The following IL1RAPL2 variants were observed in gnomAD, a reference collection of about 807,000 sequenced individuals.
The protein encoded by IL1RAPL2 is interleukin 1 receptor accessory protein like 2, also known as X-linked interleukin-1 receptor accessory protein-like 2.
Under a neutral mutation model 44.1 loss-of-function variants are expected in IL1RAPL2, and 3 were observed. The observed-to-expected ratio is 0.07, with a 90% CI of 0.03 to 0.18. The LOEUF is 0.18. IL1RAPL2 is among the 10% of genes least tolerant of loss of function. IL1RAPL2 has a pLI of 1.00. For synonymous variants in IL1RAPL2, 181 were observed against 178.8 expected (o/e 1.01, Z -0.10); for missense variants, 391 against 496.4 (o/e 0.79, Z 2.02).
At chrX:104,601,321 C>T (rs1433523506) in intron 1 of IL1RAPL2, among the ~76,000 whole-genome samples, 1 of 109,786 alleles carries the variant, frequency 9.1e-6, no homozygotes, top group East Asian at 2.9e-4. Flanking sequence ...GTTCCCCTTC[C>T]TGTGTCCATG....
At chrX:104,900,341 T>C (rs998309939) in intron 2 of IL1RAPL2, among the ~76,000 whole-genome samples, 2 of 111,615 alleles carry the variant, frequency 1.8e-5, no homozygotes, top group Non-Finnish European at 3.8e-5. Context: ...GATACATTAA[T>C]GCATGTTTAA....
chrX:105,761,261 A>ACG (rs1321249775), intron 10 of IL1RAPL2, among the ~76,000 whole-genome samples: 1 of 105,912 alleles, frequency 9.4e-6, no homozygotes, highest in African/African-American at 3.5e-5. Flanking sequence ...ACACACACAC[A>ACG]CGGCTAACTT....
intron 2 of IL1RAPL2, among the ~76,000 whole-genome samples, chrX:104,701,521 G>A (rs1931272674): frequency 1.8e-5 from 2 of 111,809 alleles, no homozygotes; most frequent in South Asian, 7.4e-4. Flanking sequence ...TTTCAGGAAT[G>A]CTCTAAGAGC....
chrX:105,435,603 T>G (rs1180786228), intron 5 of IL1RAPL2, among the ~76,000 whole-genome samples: 2 of 112,001 alleles, frequency 1.8e-5, no homozygotes, highest in Non-Finnish European at 3.8e-5. Context: ...ATATGTTTAC[T>G]GCAGCATTAT....
chrX:104,896,762 A>G (rs773829905), intron 2 of IL1RAPL2, among the ~76,000 whole-genome samples: 1 of 111,082 alleles, frequency 9.0e-6, no homozygotes, highest in East Asian at 2.9e-4. Flanking sequence ...TCTTCACAAT[A>G]AATCTTGCTG....
chrX:104,648,898 T>G (rs1438188558), intron 1 of IL1RAPL2, among the ~76,000 whole-genome samples: 7 of 111,381 alleles, frequency 6.3e-5, no homozygotes, highest in African/African-American at 2.0e-4. Context: ...AGAAACCCTA[T>G]AGTTACTTAT....
At chrX:105,233,018 G>A (rs970657223) in intron 3 of IL1RAPL2, among the ~76,000 whole-genome samples, 5 of 112,186 alleles carry the variant, frequency 4.5e-5, no homozygotes, top group Admixed American at 9.5e-5. Context: ...GCCAGGCGCC[G>A]TGGCTCATGC....
At position 104,611,808 on chromosome X, in the gene IL1RAPL2, G is replaced by GCCT. The variant is rs1229353227; in HGVS notation, c.-20+44758_-20+44760dup. Among the ~76,000 whole-genome samples, 3 of 86,489 alleles carry GCCT rather than the reference G, an allele frequency of 3.5e-5. No individual in the cohort carries two copies. The East Asian group carries it at 1.1e-3, about 32-fold the overall frequency. 75.1% of individuals were successfully genotyped at this position (86,489 alleles called of 115,157 possible). ...GCCAAGATCGCGCCACTGCACTCCA[G>GCCT]CCTGGGCGACAGAGCGAGACTCCAT... On this transcript the variant is annotated intron_variant, in intron 1 of 10. Coordinates refer to ENST00000372582, the MANE Select transcript of IL1RAPL2 (RefSeq NM_017416.2).
At chrX:105,515,907 G>A (rs1041074700) in intron 6 of IL1RAPL2, among the ~76,000 whole-genome samples, 1 of 111,554 alleles carries the variant, frequency 9.0e-6, no homozygotes, top group African/African-American at 3.3e-5. Context: ...TGTAAGAAGT[G>A]CACCTTTATC....
chrX:105,226,385 C>CTTTTTTTTTTTTTTTTT lies in IL1RAPL2; in HGVS notation c.357-7419_357-7403dup, dbSNP rs35192051. On this transcript the variant is annotated intron_variant, in intron 3 of 10. Coordinates refer to ENST00000372582, the MANE Select transcript of IL1RAPL2 (RefSeq NM_017416.2). ...GACCCTTTGCCATTCTTTCTTTTCCCTTTTTTTTTTTTTTTTTTTTTTTTT... is the reference window on the plus strand; with the variant it reads ...GACCCTTTGCCATTCTTTCTTTTCCCTTTTTTTTTTTTTTTTTTTTTTTTTTTTTTTTTTTTTTTTTT... Among the ~76,000 whole-genome samples the CTTTTTTTTTTTTTTTTT allele has an allele frequency of 4.9e-4, 26 of 53,330 alleles. 2 individuals are homozygous for CTTTTTTTTTTTTTTTTT. Among genetic ancestry groups the CTTTTTTTTTTTTTTTTT allele is most frequent in the African/African-American group, 2.3e-3 (24 of 10,496 alleles). 46.3% of individuals were successfully genotyped at this position (53,330 alleles called of 115,157 possible).
At chrX:105,076,006 T>C (rs1435672356) in intron 2 of IL1RAPL2, among the ~76,000 whole-genome samples, 14 of 111,831 alleles carry the variant, frequency 1.3e-4, no homozygotes, top group African/African-American at 2.9e-4. Context: ...CCTGGATTCA[T>C]TGATTTTTTG....
chrX:105,352,138 C>G (rs2035160730), intron 5 of IL1RAPL2, among the ~76,000 whole-genome samples: 1 of 110,643 alleles, frequency 9.0e-6, no homozygotes, highest in Admixed American at 9.7e-5. Context: ...CCATGTTGCC[C>G]AAGCTGGTCT....
At chrX:104,615,490 G>T (rs184483816) in intron 1 of IL1RAPL2, among the ~76,000 whole-genome samples, 1 of 105,123 alleles carries the variant, frequency 9.5e-6, no homozygotes, top group East Asian at 3.0e-4. Context: ...TTAGTTTTCT[G>T]TTCCTGAATT....
chrX:105,552,453 C>T (rs1214324177), intron 6 of IL1RAPL2, among the ~76,000 whole-genome samples: 1 of 112,139 alleles, frequency 8.9e-6, no homozygotes. Context: ...TTTTTGCGTT[C>T]GCAAATCTAG....
At chrX:105,656,673 G>T (rs1271563233) in intron 6 of IL1RAPL2, among the ~76,000 whole-genome samples, 1 of 111,716 alleles carries the variant, frequency 9.0e-6, no homozygotes, top group African/African-American at 3.3e-5. Flanking sequence ...TCAAGAAGTG[G>T]TATGGTTTCT....
chrX:105,664,205 A>C (rs2037740530), intron 6 of IL1RAPL2, among the ~76,000 whole-genome samples: 1 of 112,085 alleles, frequency 8.9e-6, no homozygotes, highest in South Asian at 3.7e-4. Context: ...AGATGCCATT[A>C]AGAAAATCAT....
chrX:105,753,135 G>A (rs981596730), intron 9 of IL1RAPL2, among the ~76,000 whole-genome samples: 1 of 111,486 alleles, frequency 9.0e-6, no homozygotes, highest in Non-Finnish European at 1.9e-5. Flanking sequence ...GGTGGAGCCA[G>A]TAAGGACAGA....
intron 2 of IL1RAPL2, among the ~76,000 whole-genome samples, chrX:105,046,335 A>T (rs903484118): frequency 1.8e-5 from 2 of 111,539 alleles, no homozygotes; most frequent in African/African-American, 6.5e-5. Flanking sequence ...ATGTCCCATG[A>T]ATGACTCTTA....
chrX:104,711,853 T>G (rs1243354672), intron 2 of IL1RAPL2, among the ~76,000 whole-genome samples: 2 of 110,812 alleles, frequency 1.8e-5, no homozygotes, highest in African/African-American at 6.5e-5. Flanking sequence ...AATACAAATT[T>G]TCACTTCAGT....
Sources: allele counts gnomAD v4.1 joint callset (sites outside exome capture counted in the v4.1 genomes callset), GRCh38; gene constraint gnomAD v4.1.1; transcripts MANE v1.5; gene names NCBI Gene and HGNC (gene_info 2026-07-23, HGNC 2026-07-21).